SPMIP7: variants seen among roughly 807,000 people sequenced by gnomAD.
SPMIP7 encodes protein SPMIP7.
chr7:50,102,304 A>T, the SPMIP7 span, among the ~76,000 whole-genome samples: 3 of 152,314 alleles, frequency 2.0e-5, no homozygotes, highest in Admixed American at 6.5e-5. Context: ...AGCCTGGGCA[A>T]CAGGGTGAGA....
the SPMIP7 span, among the ~76,000 whole-genome samples, chr7:50,157,753 G>A: frequency 6.6e-6 from 1 of 152,092 alleles, no homozygotes; most frequent in Admixed American, 6.5e-5. Context: ...TTCAGGCCAC[G>A]GGCTTGTGGG....
the SPMIP7 span, chr7:50,096,249 G>A: frequency 3.2e-6 from 5 of 1,551,696 alleles, no homozygotes; most frequent in Non-Finnish European, 4.4e-6. Context: ...AACTATGGCA[G>A]GTTTGAAAAG....
the SPMIP7 span, among the ~76,000 whole-genome samples, chr7:50,149,876 C>T: frequency 1.3e-5 from 2 of 152,132 alleles, no homozygotes; most frequent in Non-Finnish European, 2.9e-5. Flanking sequence ...GAATCCTTCT[C>T]GTTTCCACTT....
the SPMIP7 span, among the ~76,000 whole-genome samples, chr7:50,145,618 G>GTGTATATATA: frequency 2.2e-4 from 6 of 27,692 alleles, no homozygotes; most frequent in African/African-American, 4.5e-4. Context: ...ATATGTGTGT[G>GTGTATATATA]TATATATATA....
chr7:50,136,974 T>A, the SPMIP7 span, among the ~76,000 whole-genome samples: 3,813 of 151,190 alleles, frequency 0.025, 63 homozygotes, highest in Non-Finnish European at 0.039. Context: ...AATTTCTGTA[T>A]TTTTTTTTCT....
the SPMIP7 span, among the ~76,000 whole-genome samples, chr7:50,124,390 G>C: frequency 6.6e-6 from 1 of 152,124 alleles, no homozygotes; most frequent in Non-Finnish European, 1.5e-5. Context: ...CCTTCAGGTA[G>C]TTGATATTTA....
chr7:50,114,369 A>G, the SPMIP7 span, among the ~76,000 whole-genome samples: 4 of 152,272 alleles, frequency 2.6e-5, no homozygotes, highest in Admixed American at 6.5e-5. Flanking sequence ...AGTATAAGGG[A>G]CAGCAAAGAA....
the SPMIP7 span, among the ~76,000 whole-genome samples, chr7:50,113,627 AT>A: frequency 1.3e-5 from 2 of 152,160 alleles, no homozygotes; most frequent in African/African-American, 2.4e-5. Context: ...AACATAAACT[AT>A]TCAAAACGAA....
At chr7:50,123,538 GCA>G in the SPMIP7 span, among the ~76,000 whole-genome samples, 1 of 149,638 alleles carries the variant, frequency 6.7e-6, no homozygotes, top group African/African-American at 2.5e-5. Context: ...TGCACATTGT[GCA>G]CATGTACCCT....
chr7:50,112,708 G>C, the SPMIP7 span, among the ~76,000 whole-genome samples: 6 of 152,120 alleles, frequency 3.9e-5, no homozygotes, highest in African/African-American at 1.4e-4. Context: ...TGTGAGCCCT[G>C]CAATTACACC....
At chr7:50,109,679 C>T in the SPMIP7 span, among the ~76,000 whole-genome samples, 1 of 152,190 alleles carries the variant, frequency 6.6e-6, no homozygotes, top group South Asian at 2.1e-4. Flanking sequence ...CAGGCCAACA[C>T]TATTTTAAAA....
chr7:50,124,966 G>T, the SPMIP7 span, among the ~76,000 whole-genome samples: 3 of 151,400 alleles, frequency 2.0e-5, no homozygotes, highest in Non-Finnish European at 4.4e-5. Context: ...CTGCATGGTG[G>T]CGGGTGCCTG....
the SPMIP7 span, among the ~76,000 whole-genome samples, chr7:50,134,990 G>A: frequency 6.6e-6 from 1 of 152,086 alleles, no homozygotes; most frequent in Non-Finnish European, 1.5e-5. Context: ...TCTTCTTACT[G>A]TTCCTCTTTA....
the SPMIP7 span, chr7:50,140,142 TGAG>T: frequency 6.7e-7 from 1 of 1,500,634 alleles, no homozygotes; most frequent in African/African-American, 1.4e-5. Flanking sequence ...TTTTGAAGTG[TGAG>T]TTCAAGTTCT....
chr7:50,114,391 G>T, the SPMIP7 span, among the ~76,000 whole-genome samples: 14 of 152,188 alleles, frequency 9.2e-5, no homozygotes, highest in East Asian at 3.9e-4. Flanking sequence ...ATGAGCATAT[G>T]CTGTTTAAAT....
the SPMIP7 span, among the ~76,000 whole-genome samples, chr7:50,122,711 A>G: frequency 7.9e-5 from 12 of 151,620 alleles, no homozygotes; most frequent in Admixed American, 2.0e-4. Flanking sequence ...AACTCAAACA[A>G]ATTTACAAGA....
chr7:50,113,227 C>G, the SPMIP7 span, among the ~76,000 whole-genome samples: 2 of 151,972 alleles, frequency 1.3e-5, no homozygotes, highest in African/African-American at 2.4e-5. Context: ...GAAAAAAAAT[C>G]CAAAACTTAA....
chr7:50,097,555 C>G, the SPMIP7 span, among the ~76,000 whole-genome samples: 1 of 152,060 alleles, frequency 6.6e-6, no homozygotes, highest in Non-Finnish European at 1.5e-5. Flanking sequence ...GCCTTGAGCT[C>G]TGGCAAAAAC....
At chr7:50,098,430 A>C in the SPMIP7 span, among the ~76,000 whole-genome samples, 1 of 152,094 alleles carries the variant, frequency 6.6e-6, no homozygotes, top group Non-Finnish European at 1.5e-5. Flanking sequence ...CACTTCCTTG[A>C]TTGTCCTCCA....
Sources: allele counts gnomAD v4.1 joint callset (sites outside exome capture counted in the v4.1 genomes callset), GRCh38; gene constraint gnomAD v4.1.1; transcripts MANE v1.5; gene names NCBI Gene and HGNC (gene_info 2026-07-23, HGNC 2026-07-21).